Variants in LAMA1 observed in about 807,000 individuals in gnomAD.
The protein encoded by LAMA1 is laminin subunit alpha 1.
In LAMA1, 219 loss-of-function variants were observed where a neutral mutation model predicts 348.7. The ratio of observed to expected loss-of-function variants is 0.63; its 90% CI spans 0.56 to 0.70. The LOEUF (loss-of-function observed/expected upper bound fraction) is 0.70, where lower values mean the gene tolerates loss of function less well. Ranked by LOEUF, LAMA1 falls within the 30% of genes least tolerant of loss-of-function variation. The probability of loss-of-function intolerance (pLI) is 0.00; values close to 1 mark genes in which losing one functional copy is unlikely to be tolerated. For missense variants in LAMA1, 3,744 were observed against 3,888.0 expected, an observed-to-expected ratio of 0.96 and a Z score of 0.99; for synonymous variants, 1,487 against 1,491.0, an observed-to-expected ratio of 1.00 and a Z score of 0.06.
intron 5 of LAMA1, among the ~76,000 whole-genome samples, chr18:7,048,197 A>G (rs1388540528): frequency 2.0e-5 from 3 of 152,172 alleles, no homozygotes; most frequent in Admixed American, 2.0e-4. Context: ...TTTTTGTCCA[A>G]TTTAAAAATG....
chr18:7,092,353 G>A (rs1317486855), intron 1 of LAMA1, among the ~76,000 whole-genome samples: 2 of 152,266 alleles, frequency 1.3e-5, no homozygotes, highest in South Asian at 2.1e-4. Context: ...TAAGAATGCC[G>A]GCTGGGTGCG....
intron 1 of LAMA1, among the ~76,000 whole-genome samples, chr18:7,097,277 AAT>A (rs2058265431): frequency 6.6e-6 from 1 of 150,882 alleles, no homozygotes; most frequent in South Asian, 2.1e-4. Context: ...GAACAAAAAA[AAT>A]AATAAAAAAA....
chr18:6,950,824 C>T lies in LAMA1; in HGVS notation c.8355G>A (p.Lys2785=). ...FMFDLGKGRT[K]VSHPALLSDG... ...CACTGAGCAGTGCAGGGTGAGAGACCTTTGTTCTGCCTTTGCCAAGGTCAA... is the reference window on the plus strand; with the variant it reads ...CACTGAGCAGTGCAGGGTGAGAGACTTTTGTTCTGCCTTTGCCAAGGTCAA... The change falls in exon 58 of 63, where the codon AAG becomes AAA. Residue 2785 remains lysine (K), a synonymous_variant. Transcript: ENST00000389658. The T allele has an allele frequency of 6.2e-7, 1 of 1,614,136 alleles. No homozygotes were observed. Among genetic ancestry groups the T allele is most frequent in the Non-Finnish European group, 8.5e-7 (1 of 1,180,022 alleles).
intron 1 of LAMA1, among the ~76,000 whole-genome samples, chr18:7,099,014 G>T (rs966960688): frequency 6.6e-6 from 1 of 152,290 alleles, no homozygotes; most frequent in East Asian, 1.9e-4. Flanking sequence ...TGGTGGTTTT[G>T]TGGAATAGAA....
intron 36 of LAMA1, among the ~76,000 whole-genome samples, chr18:6,988,515 T>C (rs2057745102): frequency 6.6e-6 from 1 of 152,166 alleles, no homozygotes; most frequent in South Asian, 2.1e-4. Context: ...ATGACATATC[T>C]TTGGTCGGGC....
intron 8 of LAMA1, 22 bp from the exon 9 acceptor site, chr18:7,042,272 G>T (rs763069363): frequency 7.0e-7 from 1 of 1,425,860 alleles, no homozygotes; most frequent in Non-Finnish European, 9.9e-7. Flanking sequence ...AGGTTGCCCT[G>T]GATTCTCTTA....
chr18:7,028,916 T>A (rs2144153859), intron 16 of LAMA1, among the ~76,000 whole-genome samples: 1 of 152,314 alleles, frequency 6.6e-6, no homozygotes, highest in African/African-American at 2.4e-5. Flanking sequence ...TCAGCTCCCA[T>A]TTCCCCGTGT....
intron 3 of LAMA1, among the ~76,000 whole-genome samples, chr18:7,069,359 G>A (rs7238600): frequency 8.8e-4 from 134 of 152,242 alleles, no homozygotes; most frequent in Non-Finnish European, 1.7e-3. Flanking sequence ...TAAAGACAGG[G>A]GTGCGGCCCC....
chr18:6,987,197 C>T (rs1372584476), intron 36 of LAMA1, among the ~76,000 whole-genome samples: 1 of 152,182 alleles, frequency 6.6e-6, no homozygotes. Flanking sequence ...CTTTCTAATA[C>T]ATTTTAGTAA....
At chr18:7,113,611 G>A (rs1376073255) in intron 1 of LAMA1, among the ~76,000 whole-genome samples, 3 of 152,142 alleles carry the variant, frequency 2.0e-5, no homozygotes, top group African/African-American at 4.8e-5. Flanking sequence ...ACAAGAGTAG[G>A]AGCGGTTATC....
At chr18:7,066,698 C>T (rs985811907) in intron 3 of LAMA1, among the ~76,000 whole-genome samples, 1 of 152,044 alleles carries the variant, frequency 6.6e-6, no homozygotes, top group Non-Finnish European at 1.5e-5. Flanking sequence ...CTCTGCTATT[C>T]AATTAGCATA....
Position 6,958,625 on chromosome 18 carries a change from C to T in LAMA1, c.7816G>A (p.Glu2606Lys). ...TVQLDENNPV[E>K]MKLGTLVESR... ...TCTACTAATGTGCCCAACTTCATTT[C>T]CACAGGATTGTTCTCATCCAATTGG... Residue 2606 changes from glutamate (E) to lysine (K), a missense_variant, in exon 55 of 63, where the codon GAA (glutamate) becomes AAA (lysine). Physicochemically the swap from Glu to Lys is moderately conservative, Grantham distance 56. This residue lies in a region of LAMA1 where 1,983 missense variants were observed against 1,934.3 expected (regional missense o/e 1.03). Transcript: ENST00000389658. 1 of 1,614,130 alleles carries T rather than the reference C, an allele frequency of 6.2e-7. No homozygotes were observed. The highest frequency in any genetic ancestry group is 8.5e-7 in the Non-Finnish European group (1 of 1,179,986).
rs199886038 is a variant in LAMA1 at position 6,950,965 on chromosome 18, C to A, written c.8214G>T (p.Ser2738=). Residue 2738 remains serine (S), a synonymous_variant, in exon 58 of 63, where the codon TCG becomes TCT. Coordinates refer to ENST00000389658, the MANE Select transcript of LAMA1 (RefSeq NM_005559.4). ...CGAACGTGCGGATGCTTAGCTCAAC[C>A]GAGAGCCTGGGGAAAACAAGTGCTC... The part of the protein sequence containing the change: ...FNQSAVRKKL[S]VELSIRTFAS... The A allele has an allele frequency of 3.6e-5, 58 of 1,613,466 alleles. No homozygotes were observed. In the Middle Eastern group the frequency reaches 1.2e-3, roughly 32 times the overall value.
chr18:7,041,914 A>G (rs1199877951), intron 9 of LAMA1, among the ~76,000 whole-genome samples: 2 of 152,064 alleles, frequency 1.3e-5, no homozygotes, highest in Non-Finnish European at 2.9e-5. Flanking sequence ...TTACCCATGT[A>G]CCTGTTTGTT....
At chr18:7,026,390 G>A (rs1286079301) in intron 16 of LAMA1, among the ~76,000 whole-genome samples, 3 of 152,114 alleles carry the variant, frequency 2.0e-5, no homozygotes, top group Non-Finnish European at 4.4e-5. Context: ...GTGCTGCTTC[G>A]GCCAGAACCT....
At chr18:7,007,470 CA>C (rs201834015) in intron 28 of LAMA1, among the ~76,000 whole-genome samples, 194 bp from the exon 29 acceptor site, 21,552 of 132,066 alleles carry the variant, frequency 0.16, 1,997 homozygotes, top group African/African-American at 0.29. Flanking sequence ...TATCAACTAT[CA>C]AAAAAAAAAA....
At chr18:7,016,415 G>T in intron 21 of LAMA1, 76 bp downstream of exon 21, 2 of 1,548,236 alleles carry the variant, frequency 1.3e-6, no homozygotes, top group Non-Finnish European at 8.9e-7. Flanking sequence ...ACCAAAATTA[G>T]TTGGAAGTAG....
chr18:7,021,966 G>A (rs2057919966), intron 19 of LAMA1, among the ~76,000 whole-genome samples: 1 of 151,068 alleles, frequency 6.6e-6, no homozygotes, highest in South Asian at 2.1e-4. Context: ...TGACTTCTCA[G>A]AAAGGCCTTG....
chr18:6,973,282 C>T (rs2057666779), intron 46 of LAMA1, 75 bp from the exon 47 acceptor site: 8 of 1,373,094 alleles, frequency 5.8e-6, no homozygotes, highest in African/African-American at 1.4e-5. Flanking sequence ...GTTTCCTTCA[C>T]ACCCACCATC....
Sources: gnomAD v4.1 joint callset for allele counts (sites outside exome capture counted in the v4.1 genomes callset) on GRCh38, gnomAD v4.1.1 for gene constraint, gnomAD v4.1.1 regional missense constraint, MANE v1.5 for transcripts, NCBI Gene and HGNC (gene_info 2026-07-23, HGNC 2026-07-21) for gene names.